The following ANKS1B variants were observed in gnomAD, a reference collection of about 807,000 sequenced individuals.
ANKS1B encodes ankyrin repeat and sterile alpha motif domain-containing protein 1B.
Under a neutral mutation model 148.3 loss-of-function variants are expected in ANKS1B, and 36 were observed. The ratio of observed to expected loss-of-function variants is 0.24; its 90% CI spans 0.19 to 0.32. The LOEUF (loss-of-function observed/expected upper bound fraction) is 0.32. Ranked by LOEUF, ANKS1B falls within the 10% of genes least tolerant of loss-of-function variation. The pLI is 1.00. For missense variants in ANKS1B, 1,157 were observed against 1,542.6 expected, an observed-to-expected ratio of 0.75 and a Z score of 4.19; for synonymous variants, 542 against 560.8, an observed-to-expected ratio of 0.97 and a Z score of 0.47.
At chr12:99,316,333 T>C (rs979646683) in intron 12 of ANKS1B, among the ~76,000 whole-genome samples, 17 of 152,112 alleles carry the variant, frequency 1.1e-4, no homozygotes, top group African/African-American at 4.1e-4. Context: ...CCAGCACCTG[T>C]TGTTTCCTGA....
chr12:99,027,410 A>G (rs1392076702), intron 17 of ANKS1B, among the ~76,000 whole-genome samples: 1 of 152,218 alleles, frequency 6.6e-6, no homozygotes, highest in Non-Finnish European at 1.5e-5. Context: ...CTGAGGGCCT[A>G]CCATGTGCTG....
At chr12:99,207,293 G>A (rs1485647747) in intron 14 of ANKS1B, among the ~76,000 whole-genome samples, 1 of 152,122 alleles carries the variant, frequency 6.6e-6, no homozygotes, top group African/African-American at 2.4e-5. Flanking sequence ...AATGTAAATG[G>A]TATAAAAGTT....
chr12:98,987,145 T>C (rs2099923967), intron 17 of ANKS1B, among the ~76,000 whole-genome samples: 1 of 151,906 alleles, frequency 6.6e-6, no homozygotes, highest in Non-Finnish European at 1.5e-5. Context: ...ACACATGTTT[T>C]TGTGTCAAGT....
intron 10 of ANKS1B, among the ~76,000 whole-genome samples, chr12:99,463,016 T>C (rs2096011240): frequency 6.6e-6 from 1 of 152,174 alleles, no homozygotes; most frequent in African/African-American, 2.4e-5. Context: ...AAACCTCCTT[T>C]CTTTATAAAT....
chr12:99,176,724 A>G (rs1189198319), intron 14 of ANKS1B, among the ~76,000 whole-genome samples: 2 of 152,080 alleles, frequency 1.3e-5, no homozygotes, highest in South Asian at 4.2e-4. Context: ...TCTGGTCATT[A>G]AAAAGTGTCT....
intron 15 of ANKS1B, among the ~76,000 whole-genome samples, chr12:99,103,052 C>G (rs1396820725): frequency 1.3e-5 from 2 of 151,454 alleles, no homozygotes; most frequent in Non-Finnish European, 2.9e-5. Context: ...GAAGTTGGAT[C>G]CACAGGAGAG....
intron 12 of ANKS1B, among the ~76,000 whole-genome samples, chr12:99,280,212 G>GAGAGAGAA (rs2078230568): frequency 6.6e-6 from 1 of 151,770 alleles, no homozygotes; most frequent in African/African-American, 2.4e-5. Context: ...GTGAGAGAGA[G>GAGAGAGAA]AGAGAAAGAG....
chr12:98,914,527 T>G (rs988168565), intron 17 of ANKS1B, among the ~76,000 whole-genome samples: 10 of 152,176 alleles, frequency 6.6e-5, no homozygotes, highest in Non-Finnish European at 1.5e-4. Flanking sequence ...GAGTGGTCTC[T>G]AGGAGCCTTG....
intron 4 of ANKS1B, among the ~76,000 whole-genome samples, chr12:99,787,516 T>C (rs1466973036): frequency 6.6e-6 from 1 of 152,202 alleles, no homozygotes; most frequent in African/African-American, 2.4e-5. Flanking sequence ...GAGAACAGAC[T>C]AATACAATAA....
At chr12:99,108,188 T>C (rs1226300594) in intron 15 of ANKS1B, among the ~76,000 whole-genome samples, 1 of 152,192 alleles carries the variant, frequency 6.6e-6, no homozygotes, top group Non-Finnish European at 1.5e-5. Flanking sequence ...GTGATGATGC[T>C]GAAAGAGGTA....
chr12:99,154,083 A>G (rs1037165612), intron 15 of ANKS1B, among the ~76,000 whole-genome samples: 2 of 152,214 alleles, frequency 1.3e-5, no homozygotes, highest in Non-Finnish European at 2.9e-5. Flanking sequence ...ACACATATGT[A>G]TATGGATACA....
At chr12:99,167,307 C>A (rs2077284514) in intron 14 of ANKS1B, among the ~76,000 whole-genome samples, 1 of 151,942 alleles carries the variant, frequency 6.6e-6, no homozygotes, top group Admixed American at 6.6e-5. Context: ...AAACAAAATG[C>A]TGATTAGAAG....
chr12:99,790,075 C>T (rs921361616), intron 4 of ANKS1B, among the ~76,000 whole-genome samples: 3 of 152,090 alleles, frequency 2.0e-5, no homozygotes, highest in Admixed American at 6.6e-5. Flanking sequence ...AAGAATCAAA[C>T]TCCCAAAGGT....
chr12:99,687,557 T>C (rs895568733), intron 8 of ANKS1B, among the ~76,000 whole-genome samples: 2 of 152,142 alleles, frequency 1.3e-5, no homozygotes, highest in African/African-American at 4.8e-5. Context: ...TAGTTTCTAT[T>C]GCTAGATCCT....
intron 14 of ANKS1B, among the ~76,000 whole-genome samples, chr12:99,156,163 ATCT>A (rs1180864313): frequency 6.6e-6 from 1 of 152,102 alleles, no homozygotes; most frequent in Non-Finnish European, 1.5e-5. Flanking sequence ...ACCTCAAAAC[ATCT>A]TCTACTCCTC....
intron 14 of ANKS1B, among the ~76,000 whole-genome samples, chr12:99,200,012 A>C (rs557717216): frequency 6.6e-6 from 1 of 152,338 alleles, no homozygotes; most frequent in East Asian, 1.9e-4. Context: ...AACAGCAAAC[A>C]GCCTGACTTG....
At chr12:99,022,660 G>A (rs1056681675) in intron 17 of ANKS1B, among the ~76,000 whole-genome samples, 1 of 151,924 alleles carries the variant, frequency 6.6e-6, no homozygotes, top group South Asian at 2.1e-4. Context: ...TCGAGGGTAT[G>A]TTGAAGTTTC....
chr12:99,136,311 G>C (rs1254558119), intron 15 of ANKS1B, among the ~76,000 whole-genome samples: 1 of 152,130 alleles, frequency 6.6e-6, no homozygotes, highest in Non-Finnish European at 1.5e-5. Context: ...CTTGGATGCT[G>C]AGGACTTCAG....
intron 20 of ANKS1B, among the ~76,000 whole-genome samples, chr12:98,803,137 G>T (rs2099019821): frequency 6.6e-6 from 1 of 151,628 alleles, no homozygotes; most frequent in African/African-American, 2.4e-5. Context: ...TTCTCAAATG[G>T]CTGGCTCTTT....
Sources: allele counts gnomAD v4.1 joint callset (sites outside exome capture counted in the v4.1 genomes callset), GRCh38; gene constraint gnomAD v4.1.1; transcripts MANE v1.5; gene names NCBI Gene and HGNC (gene_info 2026-07-23, HGNC 2026-07-21).